The following OGG1 variants were observed in gnomAD, a reference collection of about 807,000 sequenced individuals.
OGG1 encodes N-glycosylase/DNA lyase.
In OGG1, 35 loss-of-function variants were observed where a neutral mutation model predicts 42.3. The ratio of observed to expected loss-of-function variants is 0.83; its 90% CI spans 0.63 to 1.10. The LOEUF (loss-of-function observed/expected upper bound fraction) is 1.10. Ranked by LOEUF, OGG1 falls within the 50% of genes least tolerant of loss-of-function variation. The pLI is 0.00. For missense variants in OGG1, 484 were observed against 446.7 expected (o/e 1.08, Z -0.75); for synonymous variants, 189 against 179.0 (o/e 1.06, Z -0.44).
At chr3:9,759,766 A>G (rs1352501416), downstream of OGG1, 2 of 1,614,144 alleles carry the variant, frequency 1.2e-6, no homozygotes, top group Admixed American at 3.3e-5. Flanking sequence ...CCCCCAAGAC[A>G]AAAGCAAAGA....
downstream of OGG1, chr3:9,758,657 TC>T (rs1158361510): frequency 1.3e-5 from 2 of 157,316 alleles, no homozygotes; most frequent in Admixed American, 1.3e-4. Context: ...TGAGGTGGAG[TC>T]TCACTTTGTT....
chr3:9,761,449 A>G (rs1166449879), downstream of OGG1: 3 of 1,605,960 alleles, frequency 1.9e-6, no homozygotes, highest in Middle Eastern at 1.9e-4. Context: ...ACCATGGCCA[A>G]GCCCCACTTA....
At chr3:9,787,918 C>T (rs1355046379) in exon 4 of OGG1, 1 of 365,636 alleles carries the variant, frequency 2.7e-6, no homozygotes, top group Non-Finnish European at 5.3e-6. Context: ...AAGAGCTTGC[C>T]AGAGGCCCAG....
chr3:9,783,214 AAAAAG>A (rs1213173968), intron 3 of OGG1: 4 of 152,244 alleles, frequency 2.6e-5, no homozygotes, highest in Non-Finnish European at 5.9e-5. Context: ...CTTTGGGGAT[AAAAAG>A]AAAAGAAGCA....
chr3:9,751,751 C>G lies in OGG1; in HGVS notation c.386-19C>G. On this transcript the variant is annotated intron_variant, in intron 2 of 6. Coordinates refer to ENST00000344629, the MANE Select transcript of OGG1 (RefSeq NM_002542.6). ...CAACAGCAGGTACCTCTCCTACCCC[C>G]TGCATTTCTGGTCTCCAGGTGTGCG... is the stretch of plus-strand genomic sequence containing the variant. 6.2e-7 allele frequency: 1 copy of G among 1,613,954 alleles called. No homozygotes were observed. Among genetic ancestry groups the G allele is most frequent in the Non-Finnish European group, 8.5e-7 (1 of 1,179,808 alleles).
downstream of OGG1, chr3:9,789,843 C>A (rs1436425552): frequency 1.9e-6 from 3 of 1,614,138 alleles, no homozygotes; most frequent in Non-Finnish European, 2.5e-6. Flanking sequence ...CCATGTCCTG[C>A]CTTCCCTTCC....
At chr3:9,767,663 T>TCA, downstream of OGG1, 1 of 1,613,934 alleles carries the variant, frequency 6.2e-7, no homozygotes. Context: ...TGCCCTGGAC[T>TCA]CACGTGCCCA....
chr3:9,751,678 G>T (rs1283271020), intron 2 of OGG1, 92 bp from the exon 3 acceptor site: 2 of 1,170,142 alleles, frequency 1.7e-6, no homozygotes, highest in Non-Finnish European at 2.6e-6. Context: ...GATCCTCCTG[G>T]AGTTTTGGTA....
downstream of OGG1, chr3:9,758,004 G>C (rs987855602): frequency 2.5e-6 from 3 of 1,216,258 alleles, no homozygotes; most frequent in Non-Finnish European, 3.3e-6. Flanking sequence ...CCTCTACAAG[G>C]CTTTATTATA....
intron 7 of OGG1, among the ~76,000 whole-genome samples, chr3:9,764,539 C>T (rs2125588317): frequency 6.6e-6 from 1 of 151,152 alleles, no homozygotes; most frequent in African/African-American, 2.4e-5. Flanking sequence ...TTGGAACTCC[C>T]CACCTCAGGT....
chr3:9,767,594 T>C (rs1360544136), downstream of OGG1: 2 of 1,585,482 alleles, frequency 1.3e-6, no homozygotes, highest in East Asian at 4.5e-5. Context: ...GAAGCATTAA[T>C]TGACCAGAGG....
rs770116031 is a variant in OGG1 at position 9,757,235 on chromosome 3, G to T, written c.*85G>T. 4 of 1,613,854 alleles carry T rather than the reference G, an allele frequency of 2.5e-6. No homozygotes were observed. The South Asian group carries it at 4.4e-5, about 18-fold the overall frequency. On this transcript the variant is annotated 3_prime_UTR_variant, in exon 7 of 7. Coordinates refer to ENST00000344629, the MANE Select transcript of OGG1 (RefSeq NM_002542.6). The surrounding 1 kb of genome is among the most constrained non-coding windows in gnomAD (Gnocchi z 4.5). ...TCTCCCCATCCCCACCCAGTCTCAT[G>T]TTGGGGAGGGGCCTCCCTGTGACTA...
downstream of OGG1, chr3:9,761,228 G>A (rs1338684324): frequency 2.1e-6 from 1 of 471,440 alleles, no homozygotes; most frequent in Non-Finnish European, 3.8e-6. Flanking sequence ...TCAGCTCCCT[G>A]AGGGCAGGCA....
At chr3:9,762,096 C>T (rs1232794821), downstream of OGG1, 2 of 203,490 alleles carry the variant, frequency 9.8e-6, no homozygotes, top group Non-Finnish European at 2.0e-5. Flanking sequence ...TGTATAATCT[C>T]ACCTAACAGA....
rs1276009244 is a variant in OGG1, at chr3:9,750,771, G to A, written c.138-174G>A. 3.5e-6 allele frequency: 3 copies of A among 852,996 alleles called. No individual in the cohort carries two copies. The African/African-American group carries it at 5.0e-5, about 14-fold the overall frequency. The allele number at this position is 852,996 out of a possible 1,614,324, so 52.8% of individuals were successfully genotyped here. On this transcript the variant is annotated intron_variant, in intron 1 of 6. Transcript: ENST00000344629. Reference sequence around the variant, plus strand: ...GGGACTACAGGTGTGCGCCATGCCCGGTTAAATTTTTGTATTTTTTGTAGA... The same window carrying A: ...GGGACTACAGGTGTGCGCCATGCCCAGTTAAATTTTTGTATTTTTTGTAGA...
At chr3:9,754,564 C>G in intron 3 of OGG1, 140 bp from the exon 4 acceptor site, 1 of 849,526 alleles carries the variant, frequency 1.2e-6, no homozygotes, top group Non-Finnish European at 1.9e-6. Flanking sequence ...ATAAAAGTGT[C>G]CACTATCCCA....
At chr3:9,763,345 A>T in intron 7 of OGG1, 3 of 955,306 alleles carry the variant, frequency 3.1e-6, no homozygotes, top group Non-Finnish European at 4.6e-6. Flanking sequence ...GTCTGTTATG[A>T]TTGCACCTGT....
At chr3:9,790,258 C>T (rs1013125361), downstream of OGG1, among the ~76,000 whole-genome samples, 8 of 152,234 alleles carry the variant, frequency 5.3e-5, no homozygotes, top group Non-Finnish European at 2.9e-5. Context: ...GTCCTCTCAG[C>T]AAACCTTCAC....
chr3:9,759,989 TC>T, downstream of OGG1: 1 of 487,072 alleles, frequency 2.1e-6, no homozygotes, highest in African/African-American at 1.9e-5. Flanking sequence ...ATGTCTGTAA[TC>T]CCAGCACTTT....
Sources: allele counts gnomAD v4.1 joint callset (sites outside exome capture counted in the v4.1 genomes callset), GRCh38; gene constraint gnomAD v4.1.1; non-coding constraint Gnocchi (gnomAD v3.1); transcripts MANE v1.5; gene names NCBI Gene and HGNC (gene_info 2026-07-23, HGNC 2026-07-21).